The following PCCA variants were observed in gnomAD, a reference collection of about 807,000 sequenced individuals.
PCCA encodes the protein propionyl-CoA carboxylase alpha chain, mitochondrial.
A neutral mutation model predicts 101.3 loss-of-function variants in PCCA; 74 were observed. The observed-to-expected ratio is 0.73, with a 90% CI of 0.61 to 0.89. The LOEUF (loss-of-function observed/expected upper bound fraction) is 0.89, where lower values mean the gene tolerates loss of function less well. PCCA is among the 40% of genes least tolerant of loss of function. PCCA has a pLI of 0.00. For missense variants in PCCA, 891 were observed against 907.0 expected (o/e 0.98, Z 0.23); for synonymous variants, 294 against 313.6 (o/e 0.94, Z 0.66).
intron 4 of PCCA, chr13:100,151,083 C>G (rs1048095588): frequency 1.3e-6 from 2 of 1,512,522 alleles, no homozygotes; most frequent in Admixed American, 1.7e-5. Flanking sequence ...TGGATGTACT[C>G]GTATGCACCC....
intron 22 of PCCA, among the ~76,000 whole-genome samples, chr13:100,520,120 A>G (rs1326816433): frequency 6.6e-6 from 1 of 152,258 alleles, no homozygotes; most frequent in Non-Finnish European, 1.5e-5. Context: ...ATGAAATACT[A>G]CAAACATGCA....
intron 1 of PCCA, among the ~76,000 whole-genome samples, chr13:100,098,647 C>T (rs2046993563): frequency 6.6e-6 from 1 of 152,180 alleles, no homozygotes; most frequent in African/African-American, 2.4e-5. Flanking sequence ...ACATCTGCTA[C>T]AGCGGGATGG....
chr13:100,339,458 G>A (rs928579854), intron 17 of PCCA, among the ~76,000 whole-genome samples: 3 of 152,138 alleles, frequency 2.0e-5, no homozygotes, highest in African/African-American at 7.2e-5. Context: ...CAAAGGATGT[G>A]TTAACCTATA....
chr13:100,295,756 A>T (rs570843771), intron 12 of PCCA, among the ~76,000 whole-genome samples: 1 of 152,344 alleles, frequency 6.6e-6, no homozygotes, highest in Non-Finnish European at 1.5e-5. Flanking sequence ...GCTGCCAAAT[A>T]ATTAGAGCTG....
At chr13:100,518,179 G>T (rs4772302) in intron 22 of PCCA, among the ~76,000 whole-genome samples, 2 of 151,898 alleles carry the variant, frequency 1.3e-5, no homozygotes, top group Non-Finnish European at 2.9e-5. Flanking sequence ...ACTTTTTATC[G>T]TTTAAATTCC....
At chr13:100,191,389 G>A (rs1422246111) in intron 6 of PCCA, among the ~76,000 whole-genome samples, 1 of 152,182 alleles carries the variant, frequency 6.6e-6, no homozygotes, top group Non-Finnish European at 1.5e-5. Flanking sequence ...CAATAGTGGT[G>A]TGACTGAGAC....
At chr13:100,247,127 C>T (rs1040617222) in intron 8 of PCCA, among the ~76,000 whole-genome samples, 14 of 151,546 alleles carry the variant, frequency 9.2e-5, no homozygotes, top group Non-Finnish European at 1.8e-4. Context: ...AGGCTGGTCT[C>T]GAACTCCTGA....
intron 19 of PCCA, among the ~76,000 whole-genome samples, chr13:100,372,374 AAAC>A (rs2075627966): frequency 6.6e-6 from 1 of 151,922 alleles, no homozygotes; most frequent in African/African-American, 2.4e-5. Flanking sequence ...AAACAAAACA[AAAC>A]AAAAAAACCA....
intron 18 of PCCA, among the ~76,000 whole-genome samples, chr13:100,350,909 G>T (rs2073188406): frequency 6.6e-6 from 1 of 152,130 alleles, no homozygotes; most frequent in Non-Finnish European, 1.5e-5. Flanking sequence ...ATTTTGGATT[G>T]TTCAATGTGA....
At chr13:100,524,409 G>GTGTGTGTGTGTGTA (rs2087567912) in intron 22 of PCCA, among the ~76,000 whole-genome samples, 1 of 151,514 alleles carries the variant, frequency 6.6e-6, no homozygotes, top group Non-Finnish European at 1.5e-5. Context: ...GTGTGTGTGT[G>GTGTGTGTGTGTGTA]TGTTGGGGTA....
intron 21 of PCCA, among the ~76,000 whole-genome samples, chr13:100,486,236 T>C (rs1282939428): frequency 1.3e-5 from 2 of 152,214 alleles, no homozygotes; most frequent in Non-Finnish European, 2.9e-5. Context: ...TCTTCTTTAG[T>C]CTATCAACCA....
chr13:100,300,154 T>C (rs1002536092), intron 12 of PCCA, among the ~76,000 whole-genome samples: 2 of 152,262 alleles, frequency 1.3e-5, no homozygotes, highest in African/African-American at 4.8e-5. Flanking sequence ...CATAATTTGC[T>C]TTCAAAAATA....
intron 17 of PCCA, among the ~76,000 whole-genome samples, chr13:100,339,920 T>G (rs1353089674): frequency 6.6e-6 from 1 of 152,210 alleles, no homozygotes; most frequent in East Asian, 1.9e-4. Flanking sequence ...TTGAATATCT[T>G]CTTTCCCAAA....
chr13:100,273,274 T>G lies in PCCA; in HGVS notation c.993T>G (p.Ser331=), dbSNP rs1386792054. The G allele has an allele frequency of 6.2e-7, 1 of 1,612,152 alleles. No individual in the cohort carries two copies. The highest frequency in any genetic ancestry group is 8.5e-7 in the Non-Finnish European group (1 of 1,178,302). ...TTGCCAGAGCAGTAAAATATTCCTC[T>G]GCTGGGACCGTGGAGTTCCTTGTGG... ...VALARAVKYS[S]AGTVEFLVDS... is the part of the protein sequence containing the mutation. The change falls in exon 12 of 24, where the codon TCT becomes TCG. Residue 331 remains serine, a synonymous_variant. Coordinates refer to ENST00000376285, the MANE Select transcript of PCCA (RefSeq NM_000282.4).
At chr13:100,277,955 T>A (rs1033929857) in intron 12 of PCCA, among the ~76,000 whole-genome samples, 2 of 152,214 alleles carry the variant, frequency 1.3e-5, no homozygotes, top group African/African-American at 4.8e-5. Flanking sequence ...AAGTGATCTA[T>A]CTAGATGCAT....
chr13:100,284,774 C>T (rs1306158356), intron 12 of PCCA, among the ~76,000 whole-genome samples: 1 of 152,214 alleles, frequency 6.6e-6, no homozygotes, highest in Non-Finnish European at 1.5e-5. Context: ...TTCCTCTTTG[C>T]CTTTGAGGAT....
intron 22 of PCCA, among the ~76,000 whole-genome samples, chr13:100,520,406 G>T (rs1240765967): frequency 1.3e-5 from 2 of 152,164 alleles, no homozygotes; most frequent in African/African-American, 4.8e-5. Flanking sequence ...CCAGCACTTT[G>T]GGAGGCCGAG....
At chr13:100,419,590 C>T (rs1171421127) in intron 19 of PCCA, among the ~76,000 whole-genome samples, 1 of 152,114 alleles carries the variant, frequency 6.6e-6, no homozygotes, top group Admixed American at 6.5e-5. Context: ...AAAATAGCTG[C>T]AGAGAACTTG....
intron 18 of PCCA, among the ~76,000 whole-genome samples, chr13:100,341,973 A>ATG (rs1555426206): frequency 1.6e-5 from 2 of 121,870 alleles, no homozygotes; most frequent in East Asian, 2.2e-4. Context: ...ATATATATAT[A>ATG]TATATATATG....
Sources: gnomAD v4.1 joint callset for allele counts (sites outside exome capture counted in the v4.1 genomes callset) on GRCh38, gnomAD v4.1.1 for gene constraint, MANE v1.5 for transcripts, NCBI Gene and HGNC (gene_info 2026-07-23, HGNC 2026-07-21) for gene names.